Variants in PCDH15 observed in about 807,000 individuals in gnomAD.
PCDH15 encodes protocadherin related 15, also known as protocadherin-15.
Under a neutral mutation model 178.5 loss-of-function variants are expected in PCDH15, and 129 were observed. That is an observed-to-expected ratio of 0.72 (90% CI 0.63 to 0.84). The LOEUF (loss-of-function observed/expected upper bound fraction) is 0.84. PCDH15 is among the 40% of genes least tolerant of loss of function. The pLI, the probability that PCDH15 is intolerant of heterozygous loss-of-function variation, is 0.00. For missense variants in PCDH15, 2,230 were observed against 2,099.9 expected, an observed-to-expected ratio of 1.06 and a Z score of -1.21; for synonymous variants, 800 against 732.0, an observed-to-expected ratio of 1.09 and a Z score of -1.50.
At chr10:54,823,641 T>C (rs970225085) in intron 3 of PCDH15, among the ~76,000 whole-genome samples, 1 of 152,136 alleles carries the variant, frequency 6.6e-6, no homozygotes. Flanking sequence ...ATGGCTATAC[T>C]GTATTGCTGT....
intron 1 of PCDH15, among the ~76,000 whole-genome samples, chr10:55,212,177 G>T (rs1400288688): frequency 6.6e-6 from 1 of 152,108 alleles, no homozygotes; most frequent in African/African-American, 2.4e-5. Flanking sequence ...ATTAGGTTGA[G>T]GGAGGCCAGA....
intron 8 of PCDH15, among the ~76,000 whole-genome samples, chr10:54,294,749 A>T (rs2059638510): frequency 6.6e-6 from 1 of 152,234 alleles, no homozygotes; most frequent in Non-Finnish European, 1.5e-5. Context: ...CATCAATTAT[A>T]CATCAGTGTT....
chr10:54,458,769 C>T (rs986951294), intron 3 of PCDH15, among the ~76,000 whole-genome samples: 1 of 152,094 alleles, frequency 6.6e-6, no homozygotes, highest in Non-Finnish European at 1.5e-5. Flanking sequence ...GTAAAAACAA[C>T]GTATTCAGGG....
intron 13 of PCDH15, among the ~76,000 whole-genome samples, chr10:54,163,070 C>T (rs947824688): frequency 2.0e-5 from 3 of 152,054 alleles, no homozygotes. Context: ...TAGAAATTCT[C>T]AAGGGCAATT....
chr10:54,132,189 A>T (rs2042494414), intron 15 of PCDH15, among the ~76,000 whole-genome samples: 1 of 152,108 alleles, frequency 6.6e-6, no homozygotes, highest in Admixed American at 6.5e-5. Context: ...ATATATCAAC[A>T]CCGTATTTAG....
chr10:54,167,739 G>A (rs368251830), intron 13 of PCDH15, among the ~76,000 whole-genome samples: 27 of 24,452 alleles, frequency 1.1e-3, no homozygotes, highest in Non-Finnish European at 1.4e-3. Context: ...TCTTATTTCC[G>A]CACCCCAACC....
At chr10:54,514,389 T>C (rs1390114146) in intron 3 of PCDH15, among the ~76,000 whole-genome samples, 2 of 151,958 alleles carry the variant, frequency 1.3e-5, no homozygotes, top group Non-Finnish European at 2.9e-5. Flanking sequence ...GATAAATATA[T>C]AAAGTTAGCA....
chr10:55,147,181 A>G (rs900804711), intron 2 of PCDH15, among the ~76,000 whole-genome samples: 7 of 151,528 alleles, frequency 4.6e-5, no homozygotes, highest in African/African-American at 1.7e-4. Flanking sequence ...TGGTGTGTCT[A>G]GACTTTTAAA....
chr10:55,551,588 T>C (rs1390222624), intron 2 of PCDH15, among the ~76,000 whole-genome samples: 1 of 151,832 alleles, frequency 6.6e-6, no homozygotes, highest in Non-Finnish European at 1.5e-5. Context: ...GTTGGCAATA[T>C]TGAAATGTGA....
At chr10:55,406,100 C>T (rs1225109668) in intron 2 of PCDH15, among the ~76,000 whole-genome samples, 2 of 150,874 alleles carry the variant, frequency 1.3e-5, no homozygotes, top group Admixed American at 6.6e-5. Flanking sequence ...AGCAGAGTAC[C>T]CAAATATGTT....
Position 55,389,090 on chromosome 10 carries a change from G to T in PCDH15, c.-155-222439C>A, listed in dbSNP as rs545923697. Among the ~76,000 whole-genome samples, 17 of 152,236 alleles carry T rather than the reference G, an allele frequency of 1.1e-4. No individual in the cohort carries two copies. In the East Asian group the frequency reaches 3.3e-3, roughly 29 times the overall value. On this transcript the variant is annotated intron_variant, in intron 2 of 5. Coordinates refer to the PCDH15 transcript ENST00000613346. Reference sequence around the variant, plus strand: ...TTCAAACAATAACAAGAAGAATAATGTGTAGGGTAAATGAACTCCCAATGA... The same window carrying T: ...TTCAAACAATAACAAGAAGAATAATTTGTAGGGTAAATGAACTCCCAATGA...
At chr10:55,568,044 T>C (rs1842337348) in intron 2 of PCDH15, among the ~76,000 whole-genome samples, 1 of 152,044 alleles carries the variant, frequency 6.6e-6, no homozygotes, top group African/African-American at 2.4e-5. Flanking sequence ...GAAATTACCA[T>C]ATGATTCTGC....
chr10:55,537,388 T>C (rs1841602736), intron 2 of PCDH15, among the ~76,000 whole-genome samples: 1 of 149,260 alleles, frequency 6.7e-6, no homozygotes, highest in Admixed American at 6.7e-5. Flanking sequence ...ATTTACTTTA[T>C]TTATTTTATT....
In PCDH15 at chr10:55,570,887, G is replaced by A. The variant is rs545007333; in HGVS notation, c.-156+56738C>T. Among the ~76,000 whole-genome samples the A allele has an allele frequency of 2.6e-5, 4 of 152,098 alleles. No individual in the cohort carries two copies. In the South Asian group the frequency reaches 8.3e-4, roughly 32 times the overall value. On this transcript the variant is annotated intron_variant, in intron 2 of 5. Coordinates refer to the PCDH15 transcript ENST00000613346. ...TTATCGTCTGTTTAGCTTGGCATTA[G>A]CAAAGGCAATAATCATTACTTTTAG...
intron 2 of PCDH15, among the ~76,000 whole-genome samples, chr10:55,549,016 A>G (rs934631899): frequency 1.3e-5 from 2 of 152,196 alleles, no homozygotes; most frequent in African/African-American, 4.8e-5. Context: ...GCAGCCACAA[A>G]TGAAATAAAA....
chr10:54,159,315 T>A (rs1205938354), intron 13 of PCDH15, among the ~76,000 whole-genome samples: 5 of 152,044 alleles, frequency 3.3e-5, no homozygotes, highest in African/African-American at 1.2e-4. Context: ...AAAAGAGTGT[T>A]TTTTTCTTCC....
chr10:54,421,095 A>G (rs1472045475), intron 3 of PCDH15, among the ~76,000 whole-genome samples: 5 of 152,116 alleles, frequency 3.3e-5, no homozygotes, highest in Admixed American at 6.6e-5. Context: ...GCCTCAATAA[A>G]TAATAGTACT....
At chr10:54,020,492 G>A (rs1373040913) in intron 19 of PCDH15, 76 bp from the exon 20 acceptor site, 11 of 1,359,022 alleles carry the variant, frequency 8.1e-6, no homozygotes, top group South Asian at 2.3e-5. Flanking sequence ...GAAGTCATGC[G>A]TTAGTGCCTA....
In PCDH15 at chr10:55,390,120, T is replaced by A. The variant is rs553293247; in HGVS notation, c.-155-223469A>T. Among the ~76,000 whole-genome samples, 9 of 152,264 alleles carry A rather than the reference T, an allele frequency of 5.9e-5. No individual in the cohort carries two copies. The East Asian group carries it at 1.5e-3, about 26-fold the overall frequency. On this transcript the variant is annotated intron_variant, in intron 2 of 5. Transcript: ENST00000613346. The stretch of plus-strand genomic sequence containing the variant: ...TGCAATTAAGCAAGTCACATGAGTT[T>A]TTTTTTCTTTTTTTGGTCTTCCAAG...
Sources: gnomAD v4.1 joint callset for allele counts (sites outside exome capture counted in the v4.1 genomes callset) on GRCh38, gnomAD v4.1.1 for gene constraint, MANE v1.5 for transcripts, NCBI Gene and HGNC (gene_info 2026-07-23, HGNC 2026-07-21) for gene names.